Variants in GALNT13 observed in about 807,000 individuals in gnomAD.
GALNT13 encodes the protein UDP-GalNAc:polypeptide N-acetylgalactosaminyltransferase 13.
GALNT13 carries 28 observed loss-of-function variants against 64.2 expected under a neutral mutation model. The observed-to-expected ratio is 0.44, with a 90% CI of 0.32 to 0.60. GALNT13 has a LOEUF of 0.60. Ranked by LOEUF, GALNT13 falls within the 20% of genes least tolerant of loss-of-function variation. GALNT13 has a pLI of 0.05. For missense variants in GALNT13, 577 were observed against 669.8 expected (o/e 0.86, Z 1.53); for synonymous variants, 214 against 224.6 (o/e 0.95, Z 0.42).
the GALNT13 span, among the ~76,000 whole-genome samples, chr2:153,117,836 T>A: frequency 1.3e-5 from 2 of 152,172 alleles, no homozygotes; most frequent in Admixed American, 1.3e-4. Flanking sequence ...CTTGTTATTG[T>A]CATGGCCAGT....
intron 3 of GALNT13, among the ~76,000 whole-genome samples, chr2:153,981,411 C>A (rs1694453368): frequency 6.6e-6 from 1 of 152,072 alleles, no homozygotes; most frequent in Non-Finnish European, 1.5e-5. Flanking sequence ...GTTCCCCTTC[C>A]TGTGTCCAGA....
At chr2:153,597,280 C>T in the GALNT13 span, among the ~76,000 whole-genome samples, 2 of 152,064 alleles carry the variant, frequency 1.3e-5, no homozygotes, top group East Asian at 1.9e-4. Context: ...GCGTAGGGCT[C>T]AGAGCAACTG....
chr2:154,120,126 T>G (rs1471088417), intron 3 of GALNT13, among the ~76,000 whole-genome samples: 2 of 152,174 alleles, frequency 1.3e-5, no homozygotes, highest in Admixed American at 1.3e-4. Context: ...ATATAGCCTG[T>G]GATTCTGGAA....
intron 10 of GALNT13, among the ~76,000 whole-genome samples, chr2:154,398,143 T>C (rs527673429): frequency 3.3e-5 from 5 of 152,228 alleles, no homozygotes; most frequent in Non-Finnish European, 7.3e-5. Context: ...TTCATGAACC[T>C]GACTATATCC....
chr2:153,695,524 G>A, the GALNT13 span, among the ~76,000 whole-genome samples: 1 of 152,176 alleles, frequency 6.6e-6, no homozygotes, highest in East Asian at 1.9e-4. Flanking sequence ...TAAGAAGCAT[G>A]ATCAGCGGAA....
At chr2:153,152,454 T>C in the GALNT13 span, among the ~76,000 whole-genome samples, 2 of 151,942 alleles carry the variant, frequency 1.3e-5, no homozygotes, top group African/African-American at 4.8e-5. Flanking sequence ...GGTACATGTG[T>C]AGATTTGTGA....
intron 4 of GALNT13, among the ~76,000 whole-genome samples, chr2:154,181,889 T>G (rs1359894132): frequency 6.6e-6 from 1 of 152,034 alleles, no homozygotes; most frequent in Non-Finnish European, 1.5e-5. Context: ...TTAAGAACAT[T>G]ATTAGATTTT....
the GALNT13 span, among the ~76,000 whole-genome samples, chr2:153,362,281 G>A: frequency 2.6e-5 from 4 of 152,018 alleles, no homozygotes; most frequent in Non-Finnish European, 5.9e-5. Flanking sequence ...AAAATAAAAA[G>A]ACCAATGACA....
intron 1 of GALNT13, among the ~76,000 whole-genome samples, chr2:153,881,111 T>G (rs915049716): frequency 1.3e-5 from 2 of 152,220 alleles, no homozygotes; most frequent in Non-Finnish European, 2.9e-5. Flanking sequence ...TCATTACCTT[T>G]GTCTACTTTT....
At chr2:153,632,921 T>C in the GALNT13 span, among the ~76,000 whole-genome samples, 2 of 151,970 alleles carry the variant, frequency 1.3e-5, no homozygotes, top group Non-Finnish European at 2.9e-5. Context: ...CCCAGCTAAT[T>C]TTTTTGGCAC....
At chr2:154,010,613 G>A (rs960733260) in intron 3 of GALNT13, among the ~76,000 whole-genome samples, 1 of 152,096 alleles carries the variant, frequency 6.6e-6, no homozygotes, top group Non-Finnish European at 1.5e-5. Context: ...GAATGAATTA[G>A]GTTAGAATTC....
the GALNT13 span, among the ~76,000 whole-genome samples, chr2:153,563,286 G>T: frequency 6.6e-6 from 1 of 151,634 alleles, no homozygotes; most frequent in African/African-American, 2.4e-5. Flanking sequence ...CTCATTTTGA[G>T]GTTTTTCTTT....
chr2:153,355,924 T>G, the GALNT13 span, among the ~76,000 whole-genome samples: 1 of 152,160 alleles, frequency 6.6e-6, no homozygotes, highest in Non-Finnish European at 1.5e-5. Context: ...GGCCCTTATA[T>G]GAGAATGTAA....
At chr2:153,604,797 A>G in the GALNT13 span, among the ~76,000 whole-genome samples, 9 of 152,140 alleles carry the variant, frequency 5.9e-5, no homozygotes, top group South Asian at 2.1e-4. Flanking sequence ...TAGTTTTTCT[A>G]TTTACATAAA....
intron 3 of GALNT13, among the ~76,000 whole-genome samples, chr2:153,956,561 G>A (rs970785264): frequency 2.6e-5 from 4 of 151,432 alleles, no homozygotes; most frequent in African/African-American, 4.9e-5. Flanking sequence ...TTTACTATAC[G>A]AGATCCCTTC....
chr2:153,182,287 G>A, the GALNT13 span, among the ~76,000 whole-genome samples: 30 of 151,930 alleles, frequency 2.0e-4, 1 homozygote, highest in African/African-American at 5.5e-4. Context: ...CTTGTGATCC[G>A]CCTGCCTCAG....
At chr2:153,749,115 C>A in the GALNT13 span, among the ~76,000 whole-genome samples, 1 of 152,014 alleles carries the variant, frequency 6.6e-6, no homozygotes, top group Admixed American at 6.6e-5. Flanking sequence ...TTCTTGACAC[C>A]TTGGTCAAAA....
rs559639927 is a variant in GALNT13 at position 154,369,641 on chromosome 2, A to G, written c.1157-26350A>G. ...AGCCCTCATGAGCCAGTCTCCTCTTAAAGTGCCACAGTAGAGATTAAGTTT... is the reference window on the plus strand; with the variant it reads ...AGCCCTCATGAGCCAGTCTCCTCTTGAAGTGCCACAGTAGAGATTAAGTTT... On this transcript the variant is annotated intron_variant, in intron 9 of 12. Transcript: ENST00000392825. Among the ~76,000 whole-genome samples, 35 of 152,274 alleles carry G rather than the reference A, an allele frequency of 2.3e-4. 1 individual carries two copies. The South Asian group carries it at 5.0e-3, about 22-fold the overall frequency.
chr2:154,349,508 A>T (rs1696266494), intron 9 of GALNT13, among the ~76,000 whole-genome samples: 1 of 152,248 alleles, frequency 6.6e-6, no homozygotes, highest in Admixed American at 6.5e-5. Flanking sequence ...CTATTGCATA[A>T]AATCAAATTA....
Sources: allele counts gnomAD v4.1 joint callset (sites outside exome capture counted in the v4.1 genomes callset), GRCh38; gene constraint gnomAD v4.1.1; transcripts MANE v1.5; gene names NCBI Gene and HGNC (gene_info 2026-07-23, HGNC 2026-07-21).